Variants in PDE4D observed in about 807,000 individuals in gnomAD.
PDE4D encodes the protein phosphodiesterase 4D, also known as 3',5'-cyclic-AMP phosphodiesterase 4D.
PDE4D carries 24 observed loss-of-function variants against 87.4 expected under a neutral mutation model. The ratio of observed to expected loss-of-function variants is 0.27; its 90% CI spans 0.20 to 0.39. The LOEUF (loss-of-function observed/expected upper bound fraction) is 0.39, where lower values mean the gene tolerates loss of function less well. Among genes scored for constraint, PDE4D ranks in the 10% least tolerant of loss-of-function variants. The probability of loss-of-function intolerance (pLI) is 1.00; values close to 1 mark genes in which losing one functional copy is unlikely to be tolerated. For missense variants in PDE4D, 714 were observed against 1,041.0 expected (o/e 0.69, Z 4.32); for synonymous variants, 384 against 383.2 (o/e 1.00, Z -0.02).
At chr5:59,807,908 C>T (rs1194061985) in intron 1 of PDE4D, among the ~76,000 whole-genome samples, 1 of 152,142 alleles carries the variant, frequency 6.6e-6, no homozygotes, top group Admixed American at 6.5e-5. Flanking sequence ...TACCCAAGAC[C>T]TACGGAGACA....
At chr5:59,410,266 T>A (rs879427200) in intron 1 of PDE4D, among the ~76,000 whole-genome samples, 7 of 152,180 alleles carry the variant, frequency 4.6e-5, no homozygotes, top group Non-Finnish European at 1.0e-4. Context: ...GTTTTGTTTT[T>A]TTCTTGAGAC....
At chr5:59,125,283 A>T in intron 5 of PDE4D, 3 of 982,954 alleles carry the variant, frequency 3.1e-6, no homozygotes, top group Non-Finnish European at 3.6e-6. Flanking sequence ...GGAAAATCTC[A>T]ACTATTCCAG....
chr5:60,460,839 T>C (rs923578480), intron 1 of PDE4D: 4 of 478,772 alleles, frequency 8.4e-6, no homozygotes, highest in Non-Finnish European at 1.5e-5. Context: ...AATTGAGCAA[T>C]AACACATGGG....
At chr5:60,350,745 T>C (rs1399916801) in intron 1 of PDE4D, among the ~76,000 whole-genome samples, 1 of 152,206 alleles carries the variant, frequency 6.6e-6, no homozygotes, top group Non-Finnish European at 1.5e-5. Flanking sequence ...TTTCTAAAAC[T>C]GTTTGGGCCA....
chr5:59,906,027 C>T (rs1245429982), intron 3 of PDE4D, among the ~76,000 whole-genome samples: 3 of 152,122 alleles, frequency 2.0e-5, no homozygotes, highest in African/African-American at 7.2e-5. Flanking sequence ...AGGGAGAAAA[C>T]AGATGTTTAC....
At chr5:60,368,333 A>T (rs983977840) in intron 1 of PDE4D, among the ~76,000 whole-genome samples, 2 of 152,188 alleles carry the variant, frequency 1.3e-5, no homozygotes, top group African/African-American at 4.8e-5. Context: ...CTGTGCATGA[A>T]ATGGCTGAAT....
intron 1 of PDE4D, among the ~76,000 whole-genome samples, chr5:59,360,067 C>T (rs1350189645): frequency 6.6e-6 from 1 of 152,086 alleles, no homozygotes; most frequent in Non-Finnish European, 1.5e-5. Flanking sequence ...TTCCAAGATT[C>T]CAGATGTTAC....
chr5:60,344,363 T>G (rs1351537740), intron 1 of PDE4D, among the ~76,000 whole-genome samples: 1 of 152,026 alleles, frequency 6.6e-6, no homozygotes, highest in Non-Finnish European at 1.5e-5. Context: ...TTTTGGTTCT[T>G]GATTTTTTTT....
At chr5:59,489,836 A>G (rs796660980) in intron 1 of PDE4D, among the ~76,000 whole-genome samples, 21 of 152,274 alleles carry the variant, frequency 1.4e-4, no homozygotes, top group African/African-American at 5.1e-4. Flanking sequence ...ATTTCTTTAT[A>G]TTTTAATAAC....
At chr5:60,176,456 G>A (rs532769252) in intron 2 of PDE4D, among the ~76,000 whole-genome samples, 1 of 152,272 alleles carries the variant, frequency 6.6e-6, no homozygotes, top group African/African-American at 2.4e-5. Flanking sequence ...TCAGAAGCTA[G>A]AGAGTTTACT....
chr5:60,141,274 G>A (rs538650049), intron 2 of PDE4D, among the ~76,000 whole-genome samples: 1 of 152,062 alleles, frequency 6.6e-6, no homozygotes, highest in Non-Finnish European at 1.5e-5. Context: ...CAGCAATTAC[G>A]AAAGTAGGCT....
intron 2 of PDE4D, among the ~76,000 whole-genome samples, chr5:60,105,231 C>A (rs1226644796): frequency 6.6e-6 from 1 of 152,016 alleles, no homozygotes; most frequent in Non-Finnish European, 1.5e-5. Flanking sequence ...GCCTCAGGAG[C>A]CAATGCGATC....
intron 1 of PDE4D, among the ~76,000 whole-genome samples, chr5:59,776,279 A>G (rs1764069457): frequency 6.6e-6 from 1 of 152,308 alleles, no homozygotes; most frequent in Admixed American, 6.5e-5. Context: ...CTTTCCCAGT[A>G]TGAAGTCATA....
chr5:60,263,753 GA>G (rs759727206), intron 1 of PDE4D, among the ~76,000 whole-genome samples: 1 of 152,020 alleles, frequency 6.6e-6, no homozygotes, highest in Non-Finnish European at 1.5e-5. Flanking sequence ...ATCAAGCAAT[GA>G]AAACCTATTA....
chr5:59,817,751 C>T (rs1026370005), intron 1 of PDE4D, among the ~76,000 whole-genome samples: 1 of 149,216 alleles, frequency 6.7e-6, no homozygotes, highest in Non-Finnish European at 1.5e-5. Flanking sequence ...CACCCCCCCC[C>T]ACACACACAC....
chr5:59,183,182 T>G (rs1742059885), intron 4 of PDE4D, among the ~76,000 whole-genome samples: 2 of 152,186 alleles, frequency 1.3e-5, no homozygotes, highest in African/African-American at 4.8e-5. Flanking sequence ...GAAGCCGATT[T>G]GGTTTGAATC....
chr5:59,590,422 G>A (rs1825757337), intron 1 of PDE4D, among the ~76,000 whole-genome samples: 1 of 152,144 alleles, frequency 6.6e-6, no homozygotes, highest in South Asian at 2.1e-4. Context: ...GCTCATGCCT[G>A]TAGTCCTAGC....
At chr5:59,540,349 T>TA (rs1480160221) in intron 1 of PDE4D, among the ~76,000 whole-genome samples, 5 of 151,466 alleles carry the variant, frequency 3.3e-5, no homozygotes, top group South Asian at 2.1e-4. Context: ...GTACATCATT[T>TA]AAAAAAACGA....
intron 1 of PDE4D, among the ~76,000 whole-genome samples, chr5:60,320,510 C>T (rs1322341003): frequency 1.3e-5 from 2 of 152,174 alleles, no homozygotes; most frequent in Non-Finnish European, 2.9e-5. Context: ...TTCCGACACT[C>T]CCCAGTGAGA....
Sources: gnomAD v4.1 joint callset for allele counts (sites outside exome capture counted in the v4.1 genomes callset) on GRCh38, gnomAD v4.1.1 for gene constraint, MANE v1.5 for transcripts, NCBI Gene and HGNC (gene_info 2026-07-23, HGNC 2026-07-21) for gene names.